DNMT3B: variants seen among roughly 807,000 people sequenced by gnomAD.
The protein encoded by DNMT3B is DNA (cytosine-5)-methyltransferase 3B.
Under a neutral mutation model 120.2 loss-of-function variants are expected in DNMT3B, and 37 were observed. The observed-to-expected ratio is 0.31, with a 90% CI of 0.24 to 0.40. The LOEUF (loss-of-function observed/expected upper bound fraction) is 0.40. Ranked by LOEUF, DNMT3B falls within the 10% of genes least tolerant of loss-of-function variation. DNMT3B has a pLI of 1.00. For synonymous variants in DNMT3B, 412 were observed against 442.8 expected (o/e 0.93, Z 0.87); for missense variants, 878 against 1,137.3 (o/e 0.77, Z 3.28).
intron 1 of DNMT3B, among the ~76,000 whole-genome samples, chr20:32,768,753 T>C (rs986635508): frequency 2.0e-5 from 3 of 152,182 alleles, no homozygotes; most frequent in Non-Finnish European, 4.4e-5. Flanking sequence ...AGGCCCCCGC[T>C]CTTTTGTGAA....
rs1214324756 is a variant in DNMT3B at position 32,762,718 on chromosome 20, CG to C, written c.-7+23del. 2 of 163,306 alleles carry C rather than the reference CG, an allele frequency of 1.2e-5. No homozygotes were observed. The highest frequency in any genetic ancestry group is 2.6e-5 in the Non-Finnish European group (2 of 77,182). 10.1% of individuals were successfully genotyped at this position (163,306 alleles called of 1,614,324 possible). On this transcript the variant is annotated intron_variant, in intron 1 of 22. Coordinates refer to ENST00000328111, the MANE Select transcript of DNMT3B (RefSeq NM_006892.4). ...GCGGCAGGTGAGCGCCCCGGGGCCC[CG>C]GGGAGGCTCGGCCGCCAGCTGCTTC...
Position 32,807,909 on chromosome 20 carries a change from GC to G in DNMT3B, c.*8del, listed in dbSNP as rs1288426724. On this transcript the variant is annotated 3_prime_UTR_variant, in exon 23 of 23. Coordinates refer to ENST00000328111, the MANE Select transcript of DNMT3B (RefSeq NM_006892.4). ...ACTACTTTGCATGTGAATAGTTCCA[GC>G]CAGGCCCCAAGCCCACTGGGGTGTG... 6.2e-7 allele frequency: 1 copy of G among 1,614,164 alleles called. No homozygotes were observed. Among genetic ancestry groups the G allele is most frequent in the Admixed American group, 1.7e-5 (1 of 60,020 alleles).
chr20:32,770,010 A>T (rs1249391586), intron 1 of DNMT3B, among the ~76,000 whole-genome samples: 3 of 152,150 alleles, frequency 2.0e-5, no homozygotes, highest in African/African-American at 7.2e-5. Flanking sequence ...ATCACAGCTC[A>T]CTGTAGCCTC....
chr20:32,807,808 C>T lies in DNMT3B; in HGVS notation c.2467C>T (p.Arg823Cys). 6.2e-7 allele frequency: 1 copy of T among 1,614,190 alleles called. No homozygotes were observed. The highest frequency in any genetic ancestry group is 8.5e-7 in the Non-Finnish European group (1 of 1,180,030). ...CTACACAGACGTGTCCAACATGGGC[C>T]GTGGTGCCCGCCAGAAGCTGCTGGG... ...VHYTDVSNMG[R>C]GARQKLLGRS... The change falls in exon 23 of 23, where the codon CGT (arginine) becomes TGT (cysteine). Residue 823 changes from arginine to cysteine, a missense_variant. Transcript: ENST00000328111.
intron 21 of DNMT3B, among the ~76,000 whole-genome samples, chr20:32,805,657 A>C (rs956860807): frequency 2.6e-5 from 4 of 152,228 alleles, no homozygotes; most frequent in Admixed American, 1.3e-4. Context: ...ACATAAAGAC[A>C]AAGAGTTTCA....
At chr20:32,803,838 G>A (rs964415535) in intron 20 of DNMT3B, among the ~76,000 whole-genome samples, 4 of 152,146 alleles carry the variant, frequency 2.6e-5, no homozygotes, top group South Asian at 2.1e-4. Context: ...ATGTGGTACC[G>A]CTGAAATCAC....
chr20:32,776,184 G>A (rs577750774), intron 1 of DNMT3B, among the ~76,000 whole-genome samples: 131 of 151,672 alleles, frequency 8.6e-4, no homozygotes, highest in Middle Eastern at 6.8e-3. Flanking sequence ...AGCCGAGATC[G>A]CGCCACTGCA....
Position 32,762,588 on chromosome 20 carries a change from C to T in DNMT3B, c.-118C>T. On this transcript the variant is annotated 5_prime_UTR_variant, in exon 1 of 23. Transcript: ENST00000328111. ...CAAGTAAACCTAGCTCGGCGATCGG[C>T]GCCGGAGATTCGCGAGCCCAGCGCC... 3.0e-6 allele frequency: 1 copy of T among 338,150 alleles called. No individual in the cohort carries two copies. Among genetic ancestry groups the T allele is most frequent in the Admixed American group, 3.0e-5 (1 of 33,668 alleles). The allele number at this position is 338,150 out of a possible 1,614,324, so 20.9% of individuals were successfully genotyped here. A position where few individuals can be genotyped will look rare whatever the true frequency, so the allele number is the denominator to read the frequency against.
intron 2 of DNMT3B, among the ~76,000 whole-genome samples, chr20:32,780,666 A>G (rs1430309448): frequency 1.3e-5 from 2 of 152,134 alleles, no homozygotes; most frequent in African/African-American, 2.4e-5. Flanking sequence ...TGGGACTCTC[A>G]TCTCAGCTGG....
At chr20:32,796,209 G>A (rs769571364) in intron 12 of DNMT3B, among the ~76,000 whole-genome samples, 15 of 152,106 alleles carry the variant, frequency 9.9e-5, no homozygotes, top group South Asian at 2.1e-4. Context: ...CAGAGAACCC[G>A]GGGAAGAGCT....
chr20:32,805,192 T>G lies in DNMT3B; in HGVS notation c.2232-146T>G, dbSNP rs143062796. ...TTGGCTTTGGCACACAGGCTTGTGC[T>G]CATGCCAGGATCATTTTCATCATTT... On this transcript the variant is annotated intron_variant, in intron 20 of 22. Coordinates refer to ENST00000328111, the MANE Select transcript of DNMT3B (RefSeq NM_006892.4). 4 of 1,053,162 alleles carry G rather than the reference T, an allele frequency of 3.8e-6. No individual in the cohort carries two copies. In the African/African-American group the frequency reaches 4.7e-5, roughly 12 times the overall value. The allele number at this position is 1,053,162 out of a possible 1,614,324, so 65.2% of individuals were successfully genotyped here.
intron 6 of DNMT3B, 93 bp from the exon 7 acceptor site, chr20:32,788,760 GC>G (rs1979625862): frequency 2.0e-6 from 3 of 1,526,854 alleles, no homozygotes; most frequent in Non-Finnish European, 1.8e-6. Flanking sequence ...TTTATGGCAA[GC>G]TTTTTGTTGC....
At chr20:32,783,255 T>C (rs1029148382) in intron 3 of DNMT3B, among the ~76,000 whole-genome samples, 1 of 152,120 alleles carries the variant, frequency 6.6e-6, no homozygotes, top group Non-Finnish European at 1.5e-5. Context: ...ATATCTATGG[T>C]TTTGATGTTA....
chr20:32,800,737 G>A (rs1981231644), intron 17 of DNMT3B, 98 bp from the exon 18 acceptor site: 3 of 1,359,748 alleles, frequency 2.2e-6, no homozygotes, highest in Non-Finnish European at 1.1e-6. Flanking sequence ...TTACAGGTGT[G>A]AGCCACCTCG....
intron 7 of DNMT3B, among the ~76,000 whole-genome samples, chr20:32,790,069 C>T (rs548497050): frequency 6.6e-6 from 1 of 152,344 alleles, no homozygotes; most frequent in Admixed American, 6.5e-5. Flanking sequence ...TGGGATTCAG[C>T]TCAAGCAGAG....
chr20:32,798,906 G>A (rs1249039378), intron 15 of DNMT3B, among the ~76,000 whole-genome samples: 1 of 152,236 alleles, frequency 6.6e-6, no homozygotes, highest in Non-Finnish European at 1.5e-5. Flanking sequence ...AGCCTTCTGA[G>A]TTAGCAGAGC....
In DNMT3B at chr20:32,808,735, T is replaced by C. The variant is rs753244931; in HGVS notation, c.*832T>C. 3.8e-4 allele frequency: 86 copies of C among 228,934 alleles called. 1 individual carries two copies. The highest frequency in any genetic ancestry group is 1.4e-4 in the Non-Finnish European group (16 of 115,472). The allele number at this position is 228,934 out of a possible 1,614,324, so 14.2% of individuals were successfully genotyped here. On this transcript the variant is annotated 3_prime_UTR_variant, in exon 23 of 23. Transcript: ENST00000328111. ...TAGACAAGTATGGCTCCTCCATATC[T>C]CCCTCTTCCCTAGGAGAGGAGTGTG...
intron 1 of DNMT3B, among the ~76,000 whole-genome samples, chr20:32,770,122 A>G (rs1987627554): frequency 6.6e-6 from 1 of 151,820 alleles, no homozygotes; most frequent in African/African-American, 2.4e-5. Context: ...TTAAAAAAAA[A>G]TTATTTTTGA....
intron 1 of DNMT3B, among the ~76,000 whole-genome samples, chr20:32,771,714 G>A (rs561718158): frequency 2.5e-4 from 38 of 151,710 alleles, no homozygotes; most frequent in Non-Finnish European, 4.3e-4. Flanking sequence ...CATATATATG[G>A]GAAGTTCAAA....
Sources: allele counts gnomAD v4.1 joint callset (sites outside exome capture counted in the v4.1 genomes callset), GRCh38; gene constraint gnomAD v4.1.1; transcripts MANE v1.5; gene names NCBI Gene and HGNC (gene_info 2026-07-23, HGNC 2026-07-21).